The following SAMD4B variants were observed in gnomAD, a reference collection of about 807,000 sequenced individuals.
SAMD4B encodes the protein protein Smaug homolog 2.
Under a neutral mutation model 74.5 loss-of-function variants are expected in SAMD4B, and 5 were observed. That is an observed-to-expected ratio of 0.07 (90% CI 0.04 to 0.14). The LOEUF (loss-of-function observed/expected upper bound fraction) is 0.14, where lower values mean the gene tolerates loss of function less well. Ranked by LOEUF, SAMD4B falls within the 10% of genes least tolerant of loss-of-function variation. The pLI is 1.00. For missense variants in SAMD4B, 608 were observed against 921.8 expected, an observed-to-expected ratio of 0.66 and a Z score of 4.41; for synonymous variants, 373 against 374.9, an observed-to-expected ratio of 1.00 and a Z score of 0.06.
Position 39,370,015 on chromosome 19 carries a change from C to T in SAMD4B, c.557C>T (p.Ala186Val). 6.2e-7 allele frequency: 1 copy of T among 1,612,802 alleles called. No individual in the cohort carries two copies. Among genetic ancestry groups the T allele is most frequent in the South Asian group, 1.1e-5 (1 of 90,846 alleles). ...GGPAELGPGEAGPGWQDKPPR... is the reference protein window; with the variant it reads ...GGPAELGPGEVGPGWQDKPPR... ...CCTGCAGAGCTAGGCCCTGGGGAGG[C>T]AGGGCCAGGCTGGCAGGACAAGCCA... Residue 186 changes from alanine to valine, a missense_variant, in exon 4 of 14, where the codon GCA (alanine) becomes GTA (valine). This residue lies in a region of SAMD4B where 153 missense variants were observed against 153.0 expected (regional missense o/e 1.00). Coordinates refer to ENST00000610417, the MANE Select transcript of SAMD4B (RefSeq NM_001384574.2).
chr19:39,363,054 C>T (rs888633883), intron 3 of SAMD4B, among the ~76,000 whole-genome samples: 7 of 152,156 alleles, frequency 4.6e-5, no homozygotes, highest in African/African-American at 1.4e-4. Context: ...GCCCCTCTGA[C>T]TGGTGCCTGA....
At position 39,378,391 on chromosome 19, in the gene SAMD4B, A is replaced by C. The variant is rs1220037429; in HGVS notation, c.1445-113A>C. 4.7e-6 allele frequency: 4 copies of C among 844,548 alleles called. No homozygotes were observed. The highest frequency in any genetic ancestry group is 7.8e-6 in the Non-Finnish European group (4 of 510,168). The allele number at this position is 844,548 out of a possible 1,614,324, so 52.3% of individuals were successfully genotyped here. On this transcript the variant is annotated intron_variant, in intron 8 of 13. Transcript: ENST00000610417. The surrounding 1 kb of genome is among the most constrained non-coding windows in gnomAD (Gnocchi z 4.4). ...CCATGGCTAGCACTTAATAGTTGAT[A>C]TTCATCCAGCCTGAGTCTCCTGTTC...
downstream of SAMD4B, among the ~76,000 whole-genome samples, chr19:39,387,580 C>T (rs575069663): frequency 6.6e-6 from 1 of 152,312 alleles, no homozygotes; most frequent in East Asian, 1.9e-4. Context: ...GGTCACAGTT[C>T]TTGTAATCTC....
chr19:39,344,718 G>A (rs966314053), intron 1 of SAMD4B, among the ~76,000 whole-genome samples: 6 of 151,854 alleles, frequency 4.0e-5, no homozygotes, highest in Non-Finnish European at 5.9e-5. Context: ...CTCCAGACTC[G>A]TTGCCCAAGA....
Position 39,377,820 on chromosome 19 carries a change from C to T in SAMD4B, c.1440C>T (p.Gly480=), listed in dbSNP as rs146070439. ...DIPSQFTRVM[G]KVCTQLLVSR... ...CCAGCCAGTTTACACGGGTGATGGG[C>T]AAAGGTGAGACCAGCCACAGCCTAG... Residue 480 remains glycine, a synonymous_variant, in exon 8 of 14, where the codon GGC becomes GGT. Coordinates refer to ENST00000610417, the MANE Select transcript of SAMD4B (RefSeq NM_001384574.2). 2.3e-5 allele frequency: 36 copies of T among 1,586,036 alleles called. No individual in the cohort carries two copies. In the East Asian group the frequency reaches 5.4e-4, roughly 24 times the overall value.
chr19:39,375,940 G>C lies in SAMD4B; in HGVS notation c.907+51G>C, dbSNP rs757371035. ...ACCCTTTTCCAGGGGCTTCTGCAGA[G>C]CTTAGAGGACAGAAAGGAGCTTGTA... On this transcript the variant is annotated intron_variant, in intron 5 of 13. Coordinates refer to ENST00000610417, the MANE Select transcript of SAMD4B (RefSeq NM_001384574.2). This position sits in a 1 kb window ranked among gnomAD's most constrained non-coding sequence, Gnocchi z 4.1. 1.3e-6 allele frequency: 2 copies of C among 1,579,154 alleles called. No homozygotes were observed. The highest frequency in any genetic ancestry group is 2.2e-5 in the South Asian group (2 of 89,452).
At chr19:39,386,099 G>A, downstream of SAMD4B, 1 of 1,613,986 alleles carries the variant, frequency 6.2e-7, no homozygotes, top group South Asian at 1.1e-5. The surrounding 1 kb of genome is among the most constrained non-coding windows in gnomAD (Gnocchi z 6.1). Context: ...CGCTGCGGCT[G>A]TGGCTCCGGC....
intron 1 of SAMD4B, among the ~76,000 whole-genome samples, chr19:39,346,694 G>A (rs2075724859): frequency 6.6e-6 from 1 of 152,098 alleles, no homozygotes; most frequent in Admixed American, 6.6e-5. Context: ...GTAGTGCCTT[G>A]GGTCAAAAAG....
chr19:39,350,017 A>C (rs1415645257), intron 1 of SAMD4B: 1 of 152,330 alleles, frequency 6.6e-6, no homozygotes, highest in African/African-American at 2.4e-5. Context: ...TCTGTGCCTC[A>C]GTTGCTCCAT....
downstream of SAMD4B, chr19:39,390,208 T>G (rs762858048): frequency 6.2e-7 from 1 of 1,612,676 alleles, no homozygotes; most frequent in Non-Finnish European, 8.5e-7. Flanking sequence ...GCCCCACCTC[T>G]GCTCCCAGCC....
At chr19:39,388,160 C>T (rs1356752917), downstream of SAMD4B, among the ~76,000 whole-genome samples, 1 of 152,024 alleles carries the variant, frequency 6.6e-6, no homozygotes, top group Non-Finnish European at 1.5e-5. Flanking sequence ...GATTTTTTTT[C>T]TGGCTCCTCC....
downstream of SAMD4B, chr19:39,389,044 A>T: frequency 6.2e-7 from 1 of 1,612,986 alleles, no homozygotes. The surrounding 1 kb of genome is among the most constrained non-coding windows in gnomAD (Gnocchi z 5.3). Context: ...GGTGAGGAGG[A>T]GCTCTGCAGC....
At chr19:39,390,397 T>G (rs375441150), downstream of SAMD4B, 252 of 1,031,196 alleles carry the variant, frequency 2.4e-4, 1 homozygote, top group Middle Eastern at 3.6e-3. Flanking sequence ...CAAATGCTGG[T>G]TTCTTTGGGT....
At position 39,369,565 on chromosome 19, in the gene SAMD4B, G is replaced by C. The variant is rs1194807605; in HGVS notation, c.197-90G>C. The C allele has an allele frequency of 9.2e-6, 9 of 977,622 alleles. No homozygotes were observed. The East Asian group carries it at 1.6e-4, about 17-fold the overall frequency. 60.6% of individuals were successfully genotyped at this position (977,622 alleles called of 1,614,324 possible). A position where few individuals can be genotyped will look rare whatever the true frequency, so the allele number is the denominator to read the frequency against. Reference sequence around the variant, plus strand: ...AAATCGTTATGAAAAGAAGATTGGAGCTGAGGGAATAGGCCATAGGCAGTG... The same window carrying C: ...AAATCGTTATGAAAAGAAGATTGGACCTGAGGGAATAGGCCATAGGCAGTG... On this transcript the variant is annotated intron_variant, in intron 3 of 13. Coordinates refer to ENST00000610417, the MANE Select transcript of SAMD4B (RefSeq NM_001384574.2).
chr19:39,378,292 C>G lies in SAMD4B; in HGVS notation c.1445-212C>G, dbSNP rs1225808616. Among the ~76,000 whole-genome samples the G allele has an allele frequency of 6.6e-6, 1 of 152,194 alleles. No homozygotes were observed. The highest frequency in any genetic ancestry group is 1.9e-4 in the East Asian group (1 of 5,196). On this transcript the variant is annotated intron_variant, in intron 8 of 13. Coordinates refer to ENST00000610417, the MANE Select transcript of SAMD4B (RefSeq NM_001384574.2). This position sits in a 1 kb window ranked among gnomAD's most constrained non-coding sequence, Gnocchi z 4.4. ...TGACTCAACTCTGAGCTTTAGGTTT[C>G]TAAGGCTAAAAATGTGTGTAGTGAC...
In SAMD4B at chr19:39,383,239, C is replaced by T. The variant is rs1457695656; in HGVS notation, c.2004C>T (p.Ile668=). The change falls in exon 13 of 14, where the codon ATC becomes ATT. Residue 668 remains isoleucine (I), a synonymous_variant. Transcript: ENST00000610417. This position sits in a 1 kb window ranked among gnomAD's most constrained non-coding sequence, Gnocchi z 4.1. ...DCPVPGPDLE[I]NPTLESLCLS... ...CGGTTCCTGGGCCTGACCTGGAGAT[C>T]AATCCCACTCTGGAGTCTCTGTGTC... The T allele has an allele frequency of 5.0e-6, 8 of 1,614,184 alleles. No individual in the cohort carries two copies. Among genetic ancestry groups the T allele is most frequent in the Non-Finnish European group, 6.8e-6 (8 of 1,180,020 alleles).
intron 1 of SAMD4B, among the ~76,000 whole-genome samples, chr19:39,343,184 C>T (rs921394079): frequency 2.6e-5 from 4 of 152,016 alleles, no homozygotes; most frequent in South Asian, 4.2e-4. Context: ...AGAACTCTCC[C>T]CCGGAGCCCT....
intron 3 of SAMD4B, among the ~76,000 whole-genome samples, chr19:39,368,830 A>G (rs2077125900): frequency 6.6e-6 from 1 of 152,182 alleles, no homozygotes. Context: ...TTTCGCAGAT[A>G]ATTTAGTGCT....
chr19:39,381,181 G>T, intron 12 of SAMD4B, 68 bp downstream of exon 12: 2 of 1,512,540 alleles, frequency 1.3e-6, no homozygotes, highest in Admixed American at 2.0e-5. Flanking sequence ...TTTTCTCCTG[G>T]GTCTCATGTC....
Sources: allele counts gnomAD v4.1 joint callset (sites outside exome capture counted in the v4.1 genomes callset), GRCh38; gene constraint gnomAD v4.1.1; regional missense constraint gnomAD v4.1.1; non-coding constraint Gnocchi (gnomAD v3.1); transcripts MANE v1.5; gene names NCBI Gene and HGNC (gene_info 2026-07-23, HGNC 2026-07-21).